Variants in UGCG observed in about 807,000 individuals in gnomAD.
UGCG encodes the protein ceramide glucosyltransferase.
Under a neutral mutation model 49.5 loss-of-function variants are expected in UGCG, and 10 were observed. That is an observed-to-expected ratio of 0.20 (90% confidence interval 0.12 to 0.34). The LOEUF is 0.34. UGCG is among the 10% of genes least tolerant of loss of function. UGCG has a pLI of 1.00. For missense variants in UGCG, 312 were observed against 483.7 expected, an observed-to-expected ratio of 0.65 and a Z score of 3.33; for synonymous variants, 182 against 158.2, an observed-to-expected ratio of 1.15 and a Z score of -1.13.
chr9:111,903,575 G>C (rs1202909548), intron 1 of UGCG, among the ~76,000 whole-genome samples: 1 of 152,102 alleles, frequency 6.6e-6, no homozygotes, highest in Non-Finnish European at 1.5e-5. Flanking sequence ...AGAAAAAAAA[G>C]AAAAATGTTC....
intron 1 of UGCG, among the ~76,000 whole-genome samples, chr9:111,910,481 G>A (rs1837975968): frequency 6.6e-6 from 1 of 152,112 alleles, no homozygotes; most frequent in African/African-American, 2.4e-5. Context: ...ATTCTGGATA[G>A]CTTCTTCTAA....
At chr9:111,929,790 T>A in intron 6 of UGCG, 112 bp downstream of exon 6, 1 of 1,267,238 alleles carries the variant, frequency 7.9e-7, no homozygotes. Flanking sequence ...TTTTTTTTGC[T>A]AGTAAGTACA....
At chr9:111,920,428 C>T (rs1344652281) in intron 2 of UGCG, among the ~76,000 whole-genome samples, 1 of 152,134 alleles carries the variant, frequency 6.6e-6, no homozygotes. Flanking sequence ...GTGGCGCAAT[C>T]TCGGCTCACT....
chr9:111,931,217 AC>A, intron 6 of UGCG, 53 bp from the exon 7 acceptor site: 3 of 1,552,708 alleles, frequency 1.9e-6, no homozygotes, highest in South Asian at 2.3e-5. Flanking sequence ...ATAACCAGTT[AC>A]GCTTGCATGT....
chr9:111,905,144 T>C (rs116318552), intron 1 of UGCG, among the ~76,000 whole-genome samples: 320 of 152,310 alleles, frequency 2.1e-3, no homozygotes, highest in African/African-American at 7.3e-3. Flanking sequence ...TAGAAACTAG[T>C]GTTTGTTTAC....
chr9:111,909,183 G>A (rs1415527954), intron 1 of UGCG, among the ~76,000 whole-genome samples: 1 of 152,126 alleles, frequency 6.6e-6, no homozygotes, highest in African/African-American at 2.4e-5. Context: ...TCTTCCCAAA[G>A]TGCTAGAATT....
chr9:111,914,810 T>C, intron 2 of UGCG, 64 bp downstream of exon 2: 2 of 1,595,050 alleles, frequency 1.3e-6, no homozygotes, highest in East Asian at 2.2e-5. Flanking sequence ...ATGATAAACA[T>C]TTAGGGATTT....
At chr9:111,926,527 A>G (rs72757814) in intron 5 of UGCG, 31 bp downstream of exon 5, 217,830 of 1,511,312 alleles carry the variant, frequency 0.14, 16,478 homozygotes, top group South Asian at 0.18. Flanking sequence ...TCATGTTCAT[A>G]GTATCAGACC....
chr9:111,912,433 G>C (rs939199884), intron 1 of UGCG, among the ~76,000 whole-genome samples: 2 of 152,016 alleles, frequency 1.3e-5, no homozygotes, highest in African/African-American at 4.8e-5. Flanking sequence ...CAAAAAGTTA[G>C]CTGGGCATGG....
At chr9:111,904,994 T>C (rs1837853569) in intron 1 of UGCG, among the ~76,000 whole-genome samples, 1 of 152,144 alleles carries the variant, frequency 6.6e-6, no homozygotes, top group Admixed American at 6.5e-5. Flanking sequence ...CCAGAGGCAG[T>C]GGTATGCAGT....
At chr9:111,905,121 T>G (rs1837856441) in intron 1 of UGCG, among the ~76,000 whole-genome samples, 1 of 152,152 alleles carries the variant, frequency 6.6e-6, no homozygotes, top group African/African-American at 2.4e-5. Flanking sequence ...TTTCACTCAC[T>G]GTCAGGTTTC....
chr9:111,932,058 A>T, intron 7 of UGCG, 112 bp from the exon 8 acceptor site: 3 of 1,130,184 alleles, frequency 2.7e-6, no homozygotes, highest in Non-Finnish European at 3.8e-6. Context: ...AAGTTTAAAG[A>T]GAATGGTCTT....
chr9:111,926,071 G>C (rs140864415), intron 4 of UGCG, among the ~76,000 whole-genome samples: 1 of 152,300 alleles, frequency 6.6e-6, no homozygotes, highest in East Asian at 1.9e-4. Context: ...CACTAGGACA[G>C]ATTGTCCTTA....
intron 1 of UGCG, among the ~76,000 whole-genome samples, chr9:111,900,735 C>G (rs1177245660): frequency 6.6e-6 from 1 of 152,182 alleles, no homozygotes; most frequent in African/African-American, 2.4e-5. Context: ...CTTAAGTGAT[C>G]TACCTGTCTT....
chr9:111,911,879 C>T (rs1028292026), intron 1 of UGCG, among the ~76,000 whole-genome samples: 3 of 109,208 alleles, frequency 2.7e-5, no homozygotes, highest in Non-Finnish European at 3.8e-5. Context: ...GAGCAAGACC[C>T]TATCTCATAT....
intron 2 of UGCG, among the ~76,000 whole-genome samples, chr9:111,921,874 A>G (rs996205525): frequency 3.2e-5 from 4 of 123,956 alleles, no homozygotes; most frequent in African/African-American, 9.4e-5. Context: ...GTAGTGGCGC[A>G]GTCTTCGGCT....
intron 1 of UGCG, among the ~76,000 whole-genome samples, chr9:111,912,601 C>T (rs895301307): frequency 3.3e-5 from 5 of 151,746 alleles, no homozygotes; most frequent in Non-Finnish European, 7.4e-5. Context: ...AAAAAAAATT[C>T]CAATCTGCCA....
chr9:111,915,277 A>G (rs1345669027), intron 2 of UGCG, among the ~76,000 whole-genome samples: 2 of 152,232 alleles, frequency 1.3e-5, no homozygotes, highest in Admixed American at 1.3e-4. Flanking sequence ...TATACCATTT[A>G]TCTATATAAT....
chr9:111,911,105 G>T (rs555715515), intron 1 of UGCG, among the ~76,000 whole-genome samples: 3 of 152,110 alleles, frequency 2.0e-5, no homozygotes, highest in African/African-American at 4.8e-5. Context: ...GAGAGCATCC[G>T]CATCTTCCCT....
Sources: allele counts gnomAD v4.1 joint callset (sites outside exome capture counted in the v4.1 genomes callset), GRCh38; gene constraint gnomAD v4.1.1; transcripts MANE v1.5; gene names NCBI Gene and HGNC (gene_info 2026-07-23, HGNC 2026-07-21).